ATP8A2: variants seen among roughly 807,000 people sequenced by gnomAD.
ATP8A2 encodes ATPase phospholipid transporting 8A2.
ATP8A2 carries 100 observed loss-of-function variants against 165.6 expected under a neutral mutation model. That is an observed-to-expected ratio of 0.60 (90% confidence interval 0.51 to 0.71). The LOEUF (loss-of-function observed/expected upper bound fraction) is 0.71, where lower values mean the gene tolerates loss of function less well. Among genes scored for constraint, ATP8A2 ranks in the 30% least tolerant of loss-of-function variants. The pLI is 0.00. For missense variants in ATP8A2, 1,227 were observed against 1,479.5 expected, an observed-to-expected ratio of 0.83 and a Z score of 2.80; for synonymous variants, 543 against 548.8, an observed-to-expected ratio of 0.99 and a Z score of 0.15.
chr13:25,667,876 T>A (rs1057285268), intron 24 of ATP8A2, among the ~76,000 whole-genome samples: 10 of 152,210 alleles, frequency 6.6e-5, no homozygotes, highest in African/African-American at 2.4e-4. Flanking sequence ...ACAATTAATA[T>A]TGCAAGTTTA....
At position 25,711,224 on chromosome 13, in the gene ATP8A2, C is replaced by T. The variant is rs181549026; in HGVS notation, c.2384+11879C>T. 1.6e-4 allele frequency among the ~76,000 whole-genome samples: 25 copies of T among 152,160 alleles called. No individual in the cohort carries two copies. In the East Asian group the frequency reaches 4.7e-3, roughly 28 times the overall value. On this transcript the variant is annotated intron_variant, in intron 25 of 36. Transcript: ENST00000381655. ...TTCACTATGTTGACGAGGCTGGTCA[C>T]GAACTCCTGACCTCAAGACACCAGC...
chr13:25,569,844 G>A (rs539304349), intron 16 of ATP8A2, among the ~76,000 whole-genome samples: 1 of 152,028 alleles, frequency 6.6e-6, no homozygotes, highest in Non-Finnish European at 1.5e-5. Context: ...AATATAAAAG[G>A]CAATAGATAA....
In ATP8A2 at chr13:25,427,596, T is replaced by C. The variant is rs116514072; in HGVS notation, c.77-41381T>C. Among the ~76,000 whole-genome samples the C allele has an allele frequency of 5.9e-3, 888 of 151,660 alleles. 4 individuals are homozygous for C. The highest frequency in any genetic ancestry group is 0.013 in the African/African-American group (545 of 41,358). The stretch of plus-strand genomic sequence containing the variant: ...TTTTCCTGGGAGCCTAAAACTTCTC[T>C]AAAAAAAACAAACAAATGGCTGAGC... On this transcript the variant is annotated intron_variant, in intron 1 of 36. Transcript: ENST00000381655.
At chr13:25,900,616 C>T (rs1953713064) in intron 33 of ATP8A2, among the ~76,000 whole-genome samples, 1 of 152,172 alleles carries the variant, frequency 6.6e-6, no homozygotes, top group Admixed American at 6.5e-5. Flanking sequence ...AAGGGGCACA[C>T]TGAGGCGTGT....
chr13:25,651,110 G>T (rs1214839581), intron 24 of ATP8A2, among the ~76,000 whole-genome samples: 1 of 151,978 alleles, frequency 6.6e-6, no homozygotes, highest in Non-Finnish European at 1.5e-5. Flanking sequence ...AATTTTCTTT[G>T]TGAGAAAATT....
chr13:25,603,335 A>C (rs1565971494), intron 24 of ATP8A2, among the ~76,000 whole-genome samples: 2 of 151,876 alleles, frequency 1.3e-5, no homozygotes, highest in African/African-American at 2.4e-5. Flanking sequence ...AAAAAATACA[A>C]AAAAAATTTA....
At chr13:25,853,393 A>AT (rs1400824431) in intron 30 of ATP8A2, among the ~76,000 whole-genome samples, 741 of 37,032 alleles carry the variant, frequency 0.02, 8 homozygotes, top group African/African-American at 0.037. Context: ...TCTATCTAAA[A>AT]AAAATATATA....
chr13:25,824,021 G>C (rs558551338), intron 27 of ATP8A2, among the ~76,000 whole-genome samples: 18 of 152,034 alleles, frequency 1.2e-4, no homozygotes, highest in African/African-American at 4.3e-4. Context: ...CCCAGGCTGG[G>C]GTGCAGTGGT....
intron 1 of ATP8A2, among the ~76,000 whole-genome samples, chr13:25,430,171 G>A (rs1288187174): frequency 6.6e-6 from 1 of 152,116 alleles, no homozygotes. Flanking sequence ...ATAAATGTGG[G>A]CTCGGGTCCA....
At chr13:25,803,876 A>G (rs1950673472) in intron 27 of ATP8A2, among the ~76,000 whole-genome samples, 1 of 152,250 alleles carries the variant, frequency 6.6e-6, no homozygotes, top group African/African-American at 2.4e-5. Context: ...GTGTTTGCAC[A>G]CAGTACTCAA....
At chr13:25,857,543 T>C (rs1424168697) in intron 30 of ATP8A2, among the ~76,000 whole-genome samples, 2 of 149,936 alleles carry the variant, frequency 1.3e-5, no homozygotes, top group Non-Finnish European at 3.0e-5. Context: ...ACTTGGCTAA[T>C]ATGTTTCTTT....
chr13:25,573,378 T>C (rs2039523315), intron 18 of ATP8A2, among the ~76,000 whole-genome samples: 2 of 152,196 alleles, frequency 1.3e-5, no homozygotes, highest in African/African-American at 4.8e-5. Flanking sequence ...TTGACACCTC[T>C]TTGTTACCTC....
rs1038711834 is a variant in ATP8A2, at chr13:25,425,867, C to T, written c.77-43110C>T. ...CTGGGATTACAGGCGTGAGCCACTG[C>T]GCCCGGCCAGATTGGCTTCTTTCAC... On this transcript the variant is annotated intron_variant, in intron 1 of 36. Coordinates refer to ENST00000381655, the MANE Select transcript of ATP8A2 (RefSeq NM_016529.6). Among the ~76,000 whole-genome samples the T allele has an allele frequency of 4.6e-5, 7 of 152,102 alleles. No homozygotes were observed. The East Asian group carries it at 5.8e-4, about 13-fold the overall frequency.
chr13:25,559,081 A>G lies in ATP8A2; in HGVS notation c.1352+20A>G. 2 of 1,519,364 alleles carry G rather than the reference A, an allele frequency of 1.3e-6. No homozygotes were observed. Among genetic ancestry groups the G allele is most frequent in the Non-Finnish European group, 1.8e-6 (2 of 1,109,276 alleles). The allele number at this position is 1,519,364 out of a possible 1,614,324, so 94.1% of individuals were successfully genotyped here. ...CTATGGGTCAGTGTGTTTATCATTT[A>G]CTGAAAATTTACTTGTATTCTTTCA... On this transcript the variant is annotated intron_variant, in intron 14 of 36. Coordinates refer to ENST00000381655, the MANE Select transcript of ATP8A2 (RefSeq NM_016529.6).
chr13:25,782,774 C>G (rs930388591), intron 27 of ATP8A2, among the ~76,000 whole-genome samples: 2 of 152,166 alleles, frequency 1.3e-5, no homozygotes, highest in Non-Finnish European at 1.5e-5. Context: ...GAGTTTCACT[C>G]TTGTTGCCAG....
At chr13:25,531,245 T>TTATATATGATATATATGA (rs201407069) in intron 4 of ATP8A2, among the ~76,000 whole-genome samples, 1 of 90,500 alleles carries the variant, frequency 1.1e-5, no homozygotes, top group African/African-American at 4.3e-5. Context: ...GATATATATG[T>TTATATATGATATATATGA]TATATATGAT....
intron 25 of ATP8A2, among the ~76,000 whole-genome samples, chr13:25,725,913 A>G (rs553241229): frequency 6.6e-6 from 1 of 152,270 alleles, no homozygotes; most frequent in South Asian, 2.1e-4. Context: ...CTATAGTAGG[A>G]GTTTTATTTG....
In ATP8A2 at chr13:26,012,616, G is replaced by A. The variant is rs1056080465; in HGVS notation, c.3463G>A (p.Val1155Ile). 3 of 1,488,312 alleles carry A rather than the reference G, an allele frequency of 2.0e-6. No homozygotes were observed. Among genetic ancestry groups the A allele is most frequent in the African/African-American group, 2.9e-5 (2 of 68,528 alleles). 92.2% of individuals were successfully genotyped at this position (1,488,312 alleles called of 1,614,324 possible). ...LFRGSSLQQG[V>I]PHGYAFSQEE... is the part of the protein sequence containing the mutation. ...CCGGGGCAGCTCCCTGCAGCAGGGC[G>A]TCCCGCGTGAGTACCGCGGGCGGGG... Residue 1155 changes from valine to isoleucine, a missense_variant, in exon 36 of 37, where the codon GTC becomes ATC. Val to Ile is a conservative substitution (Grantham distance 29). Transcript: ENST00000381655.
intron 2 of ATP8A2, among the ~76,000 whole-genome samples, chr13:25,526,394 A>T (rs1290093958): frequency 6.6e-6 from 1 of 152,152 alleles, no homozygotes; most frequent in African/African-American, 2.4e-5. Flanking sequence ...TTGGAGAATT[A>T]GTTAGTTATT....
Sources: allele counts gnomAD v4.1 joint callset (sites outside exome capture counted in the v4.1 genomes callset), GRCh38; gene constraint gnomAD v4.1.1; transcripts MANE v1.5; gene names NCBI Gene and HGNC (gene_info 2026-07-23, HGNC 2026-07-21).